The following CCDC171 variants were observed in gnomAD, a reference collection of about 807,000 sequenced individuals.
CCDC171 encodes coiled-coil domain-containing protein 171.
A neutral mutation model predicts 168.2 loss-of-function variants in CCDC171; 177 were observed. The ratio of observed to expected loss-of-function variants is 1.05; its 90% confidence interval spans 0.93 to 1.19. The LOEUF (loss-of-function observed/expected upper bound fraction) is 1.19. Ranked by LOEUF, CCDC171 falls within the 50% of genes most tolerant of loss-of-function variation. The pLI is 0.00. For synonymous variants in CCDC171, 687 were observed against 540.8 expected, an observed-to-expected ratio of 1.27 and a Z score of -3.75; for missense variants, 1,991 against 1,539.0, an observed-to-expected ratio of 1.29 and a Z score of -4.91.
chr9:16,067,051 T>G, the CCDC171 span, among the ~76,000 whole-genome samples: 1 of 152,070 alleles, frequency 6.6e-6, no homozygotes, highest in South Asian at 2.1e-4. Context: ...ACTTCCACAG[T>G]GGTTGAACTA....
At chr9:15,723,180 A>G (rs2053595580) in intron 12 of CCDC171, among the ~76,000 whole-genome samples, 1 of 152,166 alleles carries the variant, frequency 6.6e-6, no homozygotes, top group Admixed American at 6.5e-5. Flanking sequence ...TGCAGGACCA[A>G]CTGATGACCT....
intron 21 of CCDC171, among the ~76,000 whole-genome samples, chr9:15,807,916 C>CT (rs2059153149): frequency 2.6e-5 from 4 of 151,610 alleles, no homozygotes; most frequent in African/African-American, 9.7e-5. Flanking sequence ...GATTTTATGG[C>CT]TCCTCTCATT....
rs1000287116 is a variant in CCDC171 at position 16,020,047 on chromosome 9, G to C, written n.369-542G>C. Among the ~76,000 whole-genome samples, 5 of 152,274 alleles carry C rather than the reference G, an allele frequency of 3.3e-5. No individual in the cohort carries two copies. The Middle Eastern group carries it at 0.01, about 311-fold the overall frequency. ...CAGTGGAAGCTTAAAACCTTGAGTA[G>C]TACTGACCTCTCTACTGGCTGAGCA... On this transcript the variant is annotated intron_variant and non_coding_transcript_variant, in intron 3 of 9. Coordinates refer to the CCDC171 transcript ENST00000486641.
the CCDC171 span, among the ~76,000 whole-genome samples, chr9:16,107,224 A>G: frequency 2.0e-5 from 3 of 152,028 alleles, no homozygotes; most frequent in African/African-American, 4.8e-5. Context: ...ATCATAGCTC[A>G]CTGCAGCCTT....
At chr9:15,778,399 G>C (rs1281548664) in intron 19 of CCDC171, among the ~76,000 whole-genome samples, 1 of 147,180 alleles carries the variant, frequency 6.8e-6, no homozygotes, top group Non-Finnish European at 1.5e-5. Flanking sequence ...AGTACTTTGG[G>C]AGGCCAAGGC....
At chr9:15,974,333 C>A (rs769087787), downstream of CCDC171, among the ~76,000 whole-genome samples, 2 of 152,148 alleles carry the variant, frequency 1.3e-5, no homozygotes, top group Non-Finnish European at 2.9e-5. Flanking sequence ...TTCTAAGCAC[C>A]TTAGTGACCA....
intron 1 of CCDC171, among the ~76,000 whole-genome samples, chr9:15,555,637 G>C (rs937754410): frequency 6.6e-6 from 1 of 152,140 alleles, no homozygotes; most frequent in Non-Finnish European, 1.5e-5. Flanking sequence ...CCTGTCACTA[G>C]AGATGTGAGA....
In CCDC171 at chr9:15,657,163, A is replaced by G. The variant is rs763965195; in HGVS notation, c.859A>G (p.Ile287Val). ...TLRVRKLEEN[I>V]EAERAAHLES... The stretch of plus-strand genomic sequence containing the variant: ...AAGAGTGAGGAAATTAGAAGAAAAC[A>G]TTGAAGCAGAAAGAGCAGCGCATTT... Residue 287 changes from isoleucine (I) to valine (V), a missense_variant, in exon 8 of 26, where the codon ATT (isoleucine) becomes GTT (valine). Physicochemically the swap from Ile to Val is conservative, Grantham distance 29. Transcript: ENST00000380701. 1.4e-5 allele frequency: 22 copies of G among 1,611,288 alleles called. No individual in the cohort carries two copies. In the South Asian group the frequency reaches 1.4e-4, roughly 10 times the overall value.
At chr9:15,564,206 G>A (rs1178650667) in intron 2 of CCDC171, 77 bp downstream of exon 2, 7 of 1,072,104 alleles carry the variant, frequency 6.5e-6, no homozygotes, top group Non-Finnish European at 9.8e-6. Context: ...TGGTTGTAGA[G>A]CTAACTGTAA....
At chr9:15,654,526 G>C (rs1461251524) in intron 7 of CCDC171, among the ~76,000 whole-genome samples, 1 of 152,188 alleles carries the variant, frequency 6.6e-6, no homozygotes, top group Non-Finnish European at 1.5e-5. Context: ...TGCTTGATTA[G>C]TTTGTGGATT....
intron 24 of CCDC171, among the ~76,000 whole-genome samples, chr9:15,904,168 A>G (rs1043066471): frequency 1.6e-4 from 25 of 152,200 alleles, no homozygotes; most frequent in Non-Finnish European, 2.1e-4. Flanking sequence ...TTCAGGAAAT[A>G]TAGAGAATGC....
chr9:15,632,479 T>C (rs992800921), intron 7 of CCDC171, among the ~76,000 whole-genome samples: 1 of 152,030 alleles, frequency 6.6e-6, no homozygotes, highest in African/African-American at 2.4e-5. Flanking sequence ...GTGAAGGACC[T>C]CTTCAAGGAG....
chr9:15,597,006 A>G (rs1220235315), intron 6 of CCDC171, among the ~76,000 whole-genome samples: 1 of 152,096 alleles, frequency 6.6e-6, no homozygotes, highest in Non-Finnish European at 1.5e-5. Context: ...GTATCCTGAG[A>G]CTTTGCTGAA....
chr9:15,603,320 C>T (rs903907342), intron 6 of CCDC171, among the ~76,000 whole-genome samples: 2 of 152,074 alleles, frequency 1.3e-5, no homozygotes, highest in African/African-American at 2.4e-5. Flanking sequence ...ACACATGTGC[C>T]ATGGTGGTTT....
chr9:15,561,050 A>G (rs980183081), intron 1 of CCDC171, among the ~76,000 whole-genome samples: 2 of 152,158 alleles, frequency 1.3e-5, no homozygotes, highest in Non-Finnish European at 2.9e-5. Context: ...TGCAGAAATC[A>G]TTCGTCTTTT....
intron 3 of CCDC171, among the ~76,000 whole-genome samples, chr9:16,001,131 C>G (rs1832530156): frequency 6.6e-6 from 1 of 152,138 alleles, no homozygotes; most frequent in Non-Finnish European, 1.5e-5. Context: ...AAGGGCCTCA[C>G]CTTTTCAGGA....
At chr9:15,790,739 T>G (rs1162189145) in intron 21 of CCDC171, among the ~76,000 whole-genome samples, 1 of 152,214 alleles carries the variant, frequency 6.6e-6, no homozygotes, top group Non-Finnish European at 1.5e-5. Flanking sequence ...GGTCTAACAT[T>G]TAAGTCCTTA....
At chr9:15,590,989 A>G (rs2041971142) in intron 4 of CCDC171, among the ~76,000 whole-genome samples, 1 of 151,992 alleles carries the variant, frequency 6.6e-6, no homozygotes, top group Non-Finnish European at 1.5e-5. Context: ...AGCTGGGATT[A>G]CAGGTGTGTA....
intron 25 of CCDC171, among the ~76,000 whole-genome samples, chr9:15,922,737 T>G (rs959704229): frequency 3.1e-4 from 47 of 151,650 alleles, no homozygotes; most frequent in African/African-American, 1.1e-3. Context: ...ACACTTATCT[T>G]TTGTTTTTTG....
Sources: gnomAD v4.1 joint callset for allele counts (sites outside exome capture counted in the v4.1 genomes callset) on GRCh38, gnomAD v4.1.1 for gene constraint, MANE v1.5 for transcripts, NCBI Gene and HGNC (gene_info 2026-07-23, HGNC 2026-07-21) for gene names.